The following KCNQ5 variants were observed in gnomAD, a reference collection of about 807,000 sequenced individuals.
KCNQ5 encodes the protein potassium voltage-gated channel subfamily KQT member 5.
A neutral mutation model predicts 98.2 loss-of-function variants in KCNQ5; 30 were observed. That is an observed-to-expected ratio of 0.31 (90% CI 0.23 to 0.41). The LOEUF (loss-of-function observed/expected upper bound fraction) is 0.41, where lower values mean the gene tolerates loss of function less well. Among genes scored for constraint, KCNQ5 ranks in the 10% least tolerant of loss-of-function variants. The pLI is 1.00. For synonymous variants in KCNQ5, 458 were observed against 449.4 expected, an observed-to-expected ratio of 1.02 and a Z score of -0.24; for missense variants, 835 against 1,182.5, an observed-to-expected ratio of 0.71 and a Z score of 4.31.
intron 1 of KCNQ5, among the ~76,000 whole-genome samples, chr6:72,765,805 T>C (rs1278342930): frequency 6.6e-6 from 1 of 152,028 alleles, no homozygotes; most frequent in Non-Finnish European, 1.5e-5. Context: ...TAATGCTCTA[T>C]GGTGATTAGA....
Position 73,081,227 on chromosome 6 carries a change from G to T in KCNQ5, c.918+3340G>T, listed in dbSNP as rs111282073. Among the ~76,000 whole-genome samples the T allele has an allele frequency of 4.2e-3, 645 of 152,328 alleles. 2 individuals carry two copies. Among genetic ancestry groups the T allele is most frequent in the African/African-American group, 0.015 (604 of 41,582 alleles). The stretch of plus-strand genomic sequence containing the variant: ...GGGTTCTGATGTGGCAACTAAAGTT[G>T]CATTGATGGCAGAAAATGGAAGAGG... On this transcript the variant is annotated intron_variant, in intron 5 of 13. Coordinates refer to ENST00000370398, the MANE Select transcript of KCNQ5 (RefSeq NM_019842.4).
At chr6:73,072,609 G>A (rs1282779557) in intron 3 of KCNQ5, among the ~76,000 whole-genome samples, 1 of 152,174 alleles carries the variant, frequency 6.6e-6, no homozygotes, top group Non-Finnish European at 1.5e-5. Flanking sequence ...CAAAGTTCCA[G>A]TGGCATCTAA....
intron 1 of KCNQ5, among the ~76,000 whole-genome samples, chr6:72,900,144 C>T (rs746564141): frequency 6.6e-6 from 1 of 151,956 alleles, no homozygotes; most frequent in African/African-American, 2.4e-5. Context: ...CCTATTGCAC[C>T]ATTCTTATGC....
chr6:73,003,301 A>G (rs1769671180), intron 1 of KCNQ5, among the ~76,000 whole-genome samples: 2 of 152,214 alleles, frequency 1.3e-5, no homozygotes, highest in East Asian at 1.9e-4. Context: ...CAGTTTGACT[A>G]GAAGGAAATG....
intron 1 of KCNQ5, among the ~76,000 whole-genome samples, chr6:72,959,150 A>C (rs1230342590): frequency 6.6e-6 from 1 of 152,232 alleles, no homozygotes; most frequent in African/African-American, 2.4e-5. Flanking sequence ...ATGAGGCAGA[A>C]TATGCATCAA....
chr6:72,717,465 G>C (rs187125732), intron 1 of KCNQ5, among the ~76,000 whole-genome samples: 1 of 152,256 alleles, frequency 6.6e-6, no homozygotes, highest in Admixed American at 6.5e-5. Context: ...ATTTTGAAAA[G>C]AGAAATGGGT....
intron 1 of KCNQ5, among the ~76,000 whole-genome samples, chr6:72,787,539 T>TAA (rs11454848): frequency 4.1e-4 from 60 of 146,422 alleles, no homozygotes; most frequent in African/African-American, 1.3e-3. Flanking sequence ...TATCAGTATT[T>TAA]AAAAAAAAAA....
At chr6:73,171,578 G>T (rs1481202604) in intron 11 of KCNQ5, among the ~76,000 whole-genome samples, 1 of 152,186 alleles carries the variant, frequency 6.6e-6, no homozygotes, top group Admixed American at 6.5e-5. Flanking sequence ...TAATTAAAAT[G>T]AAATACATTT....
intron 1 of KCNQ5, among the ~76,000 whole-genome samples, chr6:72,772,740 C>T (rs1406167287): frequency 1.3e-5 from 2 of 152,080 alleles, no homozygotes; most frequent in Non-Finnish European, 2.9e-5. Context: ...GATAAGAAAA[C>T]AACATTACTT....
intron 3 of KCNQ5, among the ~76,000 whole-genome samples, chr6:73,074,895 A>G (rs1272987357): frequency 6.6e-6 from 1 of 152,188 alleles, no homozygotes; most frequent in East Asian, 1.9e-4. Context: ...GAGGTAGTAT[A>G]TCTTTTTCTT....
At chr6:73,048,757 T>G (rs1039010630) in intron 3 of KCNQ5, among the ~76,000 whole-genome samples, 1 of 152,204 alleles carries the variant, frequency 6.6e-6, no homozygotes, top group African/African-American at 2.4e-5. Context: ...CTTAGAAACA[T>G]GAAATTTTAC....
chr6:73,009,189 A>G (rs1307826950), intron 2 of KCNQ5, among the ~76,000 whole-genome samples: 2 of 151,998 alleles, frequency 1.3e-5, no homozygotes, highest in African/African-American at 4.8e-5. Context: ...GCAGGGTTTC[A>G]CCATATTAGC....
rs531064541 is a variant in KCNQ5, at chr6:72,933,150, T to A, written c.399-70758T>A. The stretch of plus-strand genomic sequence containing the variant: ...CCAATATATTTTGGAGTATGATAAA[T>A]TAAAATCACCTTCAGATGCTGAGAT... On this transcript the variant is annotated intron_variant, in intron 1 of 13. Coordinates refer to ENST00000370398, the MANE Select transcript of KCNQ5 (RefSeq NM_019842.4). Among the ~76,000 whole-genome samples, 6 of 152,246 alleles carry A rather than the reference T, an allele frequency of 3.9e-5. No homozygotes were observed. In the East Asian group the frequency reaches 1.2e-3, roughly 29 times the overall value.
chr6:72,733,656 C>T (rs6910780), intron 1 of KCNQ5, among the ~76,000 whole-genome samples: 56,851 of 152,046 alleles, frequency 0.37, 14,118 homozygotes, highest in African/African-American at 0.68. Context: ...TTGGAGAATA[C>T]GTGAAAGGAT....
chr6:72,906,176 G>T (rs560473416), intron 1 of KCNQ5, among the ~76,000 whole-genome samples: 1 of 152,036 alleles, frequency 6.6e-6, no homozygotes, highest in Non-Finnish European at 1.5e-5. Flanking sequence ...CAGGGAAGTG[G>T]GGGAAAGCCT....
intron 1 of KCNQ5, among the ~76,000 whole-genome samples, chr6:72,906,048 A>G (rs544763271): frequency 2.3e-4 from 35 of 150,014 alleles, no homozygotes; most frequent in African/African-American, 8.4e-4. Flanking sequence ...CTGAGTTCAG[A>G]CTCTCCTTGG....
intron 10 of KCNQ5, among the ~76,000 whole-genome samples, chr6:73,153,698 A>T (rs1323333835): frequency 6.6e-6 from 1 of 152,154 alleles, no homozygotes; most frequent in East Asian, 1.9e-4. Context: ...TAGAAAAAAA[A>T]AAGGTAAGCT....
intron 1 of KCNQ5, among the ~76,000 whole-genome samples, chr6:72,667,851 A>G (rs1200663573): frequency 6.6e-6 from 1 of 152,232 alleles, no homozygotes; most frequent in Admixed American, 6.5e-5. Flanking sequence ...GCAAGCTGAG[A>G]AACATTTTAC....
At chr6:72,727,632 G>A (rs12205374) in intron 1 of KCNQ5, among the ~76,000 whole-genome samples, 16,198 of 152,126 alleles carry the variant, frequency 0.11, 905 homozygotes, top group South Asian at 0.17. Context: ...AATGCCTCAG[G>A]TTTCTGGATT....
Sources: gnomAD v4.1 joint callset for allele counts (sites outside exome capture counted in the v4.1 genomes callset) on GRCh38, gnomAD v4.1.1 for gene constraint, MANE v1.5 for transcripts, NCBI Gene and HGNC (gene_info 2026-07-23, HGNC 2026-07-21) for gene names.